Variants in FAXDC2 observed in about 807,000 individuals in gnomAD.
The protein encoded by FAXDC2 is fatty acid hydroxylase domain-containing protein 2.
In FAXDC2, 41 loss-of-function variants were observed where a neutral mutation model predicts 40.9. That is an observed-to-expected ratio of 1.00 (90% confidence interval 0.78 to 1.30). The LOEUF is 1.30. Ranked by LOEUF, FAXDC2 falls within the 50% of genes most tolerant of loss-of-function variation. The pLI is 0.00. For synonymous variants in FAXDC2, 157 were observed against 149.3 expected, an observed-to-expected ratio of 1.05 and a Z score of -0.38; for missense variants, 390 against 408.8, an observed-to-expected ratio of 0.95 and a Z score of 0.40.
intron 1 of FAXDC2, among the ~76,000 whole-genome samples, chr5:154,847,580 C>T (rs183272849): frequency 2.2e-4 from 33 of 150,920 alleles, no homozygotes; most frequent in African/African-American, 4.6e-4. Flanking sequence ...CTCTGCCTCC[C>T]GGGTTCAAGC....
chr5:154,823,289 C>T, intron 6 of FAXDC2, 98 bp downstream of exon 6: 1 of 1,132,666 alleles, frequency 8.8e-7, no homozygotes, highest in East Asian at 2.5e-5. Context: ...GCCAGGATTA[C>T]AAGCGTGAGT....
chr5:154,821,576 G>C (rs1206890795), intron 7 of FAXDC2, 150 bp from the exon 8 acceptor site: 1 of 590,696 alleles, frequency 1.7e-6, no homozygotes, highest in Non-Finnish European at 2.9e-6. Flanking sequence ...TTTGTTGAAG[G>C]CATTCACCTT....
intron 5 of FAXDC2, chr5:154,824,761 T>G: frequency 1.8e-6 from 1 of 569,088 alleles, no homozygotes; most frequent in South Asian, 2.2e-5. Flanking sequence ...TATGTTCCAG[T>G]GAGAAAGGTA....
intron 4 of FAXDC2, among the ~76,000 whole-genome samples, chr5:154,833,187 C>T (rs1330374462): frequency 6.6e-6 from 1 of 151,870 alleles, no homozygotes; most frequent in Admixed American, 6.6e-5. Flanking sequence ...CAGGCACGCA[C>T]CACCACGCCT....
chr5:154,849,488 C>G (rs1760682553), intron 1 of FAXDC2, among the ~76,000 whole-genome samples: 2 of 151,952 alleles, frequency 1.3e-5, no homozygotes, highest in South Asian at 4.1e-4. Context: ...GAATCAAGCC[C>G]AAGCCTGGCA....
chr5:154,837,055 G>A (rs1760364484), intron 2 of FAXDC2, among the ~76,000 whole-genome samples: 1 of 152,126 alleles, frequency 6.6e-6, no homozygotes, highest in African/African-American at 2.4e-5. Context: ...ATCTGAATCT[G>A]CACTGAACTG....
chr5:154,834,741 A>G lies in FAXDC2; in HGVS notation c.141-13T>C, dbSNP rs1331004815. The G allele has an allele frequency of 1.2e-6, 2 of 1,613,232 alleles. No individual in the cohort carries two copies. Among genetic ancestry groups the G allele is most frequent in the Non-Finnish European group, 1.7e-6 (2 of 1,179,406 alleles). On this transcript the variant is annotated splice_polypyrimidine_tract_variant and intron_variant, in intron 3 of 8. Coordinates refer to ENST00000326080, the MANE Select transcript of FAXDC2 (RefSeq NM_032385.5). ...TCTCTGAAGATGCCTTGGAAAAAAAACCAGGTTTCTGGGTGAAGACTAGTG... is the reference window on the plus strand; with the variant it reads ...TCTCTGAAGATGCCTTGGAAAAAAAGCCAGGTTTCTGGGTGAAGACTAGTG...
intron 5 of FAXDC2, among the ~76,000 whole-genome samples, chr5:154,827,034 G>A (rs569775397): frequency 1.3e-5 from 2 of 152,200 alleles, no homozygotes; most frequent in African/African-American, 2.4e-5. Context: ...GCCGGGCGTG[G>A]TGTCTCACGC....
At chr5:154,845,940 C>CATATATAT (rs1760588689) in intron 1 of FAXDC2, among the ~76,000 whole-genome samples, 1 of 151,224 alleles carries the variant, frequency 6.6e-6, no homozygotes, top group South Asian at 2.1e-4. Flanking sequence ...CATGCGTCAC[C>CATATATAT]ACACCCAGCT....
At chr5:154,845,847 G>A (rs1390405877) in intron 1 of FAXDC2, among the ~76,000 whole-genome samples, 3 of 150,178 alleles carry the variant, frequency 2.0e-5, no homozygotes, top group African/African-American at 4.9e-5. Context: ...GTGCAGTGGC[G>A]TGATCTCGGC....
intron 1 of FAXDC2, among the ~76,000 whole-genome samples, chr5:154,849,362 T>C (rs1760679906): frequency 6.6e-6 from 1 of 152,112 alleles, no homozygotes; most frequent in African/African-American, 2.4e-5. Context: ...GTTTTAGTAA[T>C]ACTCTCTTCA....
Position 154,823,387 on chromosome 5 carries a change from C to A in FAXDC2, c.572G>T (p.Arg191Leu), listed in dbSNP as rs201981217. Residue 191 changes from arginine to leucine, a missense_variant and splice_region_variant, in exon 6 of 9, where the codon CGG (arginine) becomes CTG (leucine). Coordinates refer to ENST00000326080, the MANE Select transcript of FAXDC2 (RefSeq NM_032385.5). ...TGTGCCTCAGGCAGGGCCTGCTCAC[C>A]GGTGTGAATAGTAGAACAAGACTTC... ...IEEVLFYYSH[R>L]LLHHPTFYKK... 1.2e-6 allele frequency: 2 copies of A among 1,612,886 alleles called. No individual in the cohort carries two copies. Among genetic ancestry groups the A allele is most frequent in the Non-Finnish European group, 1.7e-6 (2 of 1,179,884 alleles).
Position 154,821,502 on chromosome 5 carries a change from G to A in FAXDC2, c.679-76C>T, listed in dbSNP as rs530773717. On this transcript the variant is annotated intron_variant, in intron 7 of 8. Transcript: ENST00000326080. The stretch of plus-strand genomic sequence containing the variant: ...TAGTTGGGTATACACTTAGTCCCAA[G>A]GTGGTACCAGAGGCAAACTTCCTTG... The A allele has an allele frequency of 4.9e-6, 6 of 1,232,906 alleles. No individual in the cohort carries two copies. In the East Asian group the frequency reaches 1.5e-4, roughly 30 times the overall value. 76.4% of individuals were successfully genotyped at this position (1,232,906 alleles called of 1,614,324 possible).
At chr5:154,835,528 C>T (rs1423196046) in intron 2 of FAXDC2, among the ~76,000 whole-genome samples, 4 of 152,198 alleles carry the variant, frequency 2.6e-5, no homozygotes, top group African/African-American at 9.6e-5. Context: ...TCCATCCCTA[C>T]CCTCCTCTTA....
chr5:154,844,651 A>G (rs1315631063), intron 1 of FAXDC2, among the ~76,000 whole-genome samples: 1 of 152,212 alleles, frequency 6.6e-6, no homozygotes, highest in African/African-American at 2.4e-5. Context: ...GCTGTTCTAT[A>G]TATCCTTTTA....
At chr5:154,839,980 G>A (rs917979277) in intron 1 of FAXDC2, among the ~76,000 whole-genome samples, 1 of 152,108 alleles carries the variant, frequency 6.6e-6, no homozygotes, top group African/African-American at 2.4e-5. Flanking sequence ...CCTGGCTGGA[G>A]AGGAGCACTA....
At chr5:154,822,857 A>G (rs1319298243) in intron 6 of FAXDC2, among the ~76,000 whole-genome samples, 4 of 152,116 alleles carry the variant, frequency 2.6e-5, no homozygotes, top group African/African-American at 9.7e-5. Flanking sequence ...CTCCCACACA[A>G]TCAGAGAGGC....
chr5:154,825,080 A>C (rs1402589823), intron 5 of FAXDC2, among the ~76,000 whole-genome samples: 1 of 150,710 alleles, frequency 6.6e-6, no homozygotes, highest in Non-Finnish European at 1.5e-5. Flanking sequence ...AAAAAAAAAA[A>C]AGGGCCAGTC....
At chr5:154,830,058 C>T (rs1760149677) in intron 5 of FAXDC2, among the ~76,000 whole-genome samples, 1 of 152,180 alleles carries the variant, frequency 6.6e-6, no homozygotes, top group African/African-American at 2.4e-5. Flanking sequence ...AGGTGGTTCA[C>T]CCAGACACCT....
Sources: allele counts gnomAD v4.1 joint callset (sites outside exome capture counted in the v4.1 genomes callset), GRCh38; gene constraint gnomAD v4.1.1; transcripts MANE v1.5; gene names NCBI Gene and HGNC (gene_info 2026-07-23, HGNC 2026-07-21).